Variants in CEP85L observed in about 807,000 individuals in gnomAD.
CEP85L encodes the protein centrosomal protein 85L, also known as centrosomal protein of 85 kDa-like.
CEP85L carries 60 observed loss-of-function variants against 100.3 expected under a neutral mutation model. The observed-to-expected ratio is 0.60, with a 90% CI of 0.49 to 0.74. The LOEUF (loss-of-function observed/expected upper bound fraction) is 0.74, where lower values mean the gene tolerates loss of function less well. Ranked by LOEUF, CEP85L falls within the 30% of genes least tolerant of loss-of-function variation. CEP85L has a pLI of 0.00. For synonymous variants in CEP85L, 319 were observed against 322.7 expected, an observed-to-expected ratio of 0.99 and a Z score of 0.12; for missense variants, 973 against 936.2, an observed-to-expected ratio of 1.04 and a Z score of -0.51.
chr6:118,545,265 T>C (rs1778128989), intron 3 of CEP85L, among the ~76,000 whole-genome samples: 1 of 152,188 alleles, frequency 6.6e-6, no homozygotes, highest in Non-Finnish European at 1.5e-5. Flanking sequence ...TGTAAAAGAT[T>C]ACTACATACA....
chr6:118,483,995 A>C, intron 6 of CEP85L, 137 bp from the exon 7 acceptor site: 1 of 718,016 alleles, frequency 1.4e-6, no homozygotes, highest in Admixed American at 3.0e-5. Flanking sequence ...AACTCAATTA[A>C]GATTTACCTT....
chr6:118,496,988 G>A (rs1774969215), intron 5 of CEP85L, among the ~76,000 whole-genome samples: 1 of 152,114 alleles, frequency 6.6e-6, no homozygotes, highest in African/African-American at 2.4e-5. Flanking sequence ...CTGAGCCAGG[G>A]CCTTCTTTCT....
intron 2 of CEP85L, among the ~76,000 whole-genome samples, chr6:118,612,470 T>A (rs1473071332): frequency 6.8e-6 from 1 of 147,952 alleles, no homozygotes; most frequent in African/African-American, 2.5e-5. Context: ...CTGGCTAACA[T>A]AGTGAAACCC....
intron 3 of CEP85L, among the ~76,000 whole-genome samples, chr6:118,543,675 G>T (rs2114891559): frequency 6.6e-6 from 1 of 152,248 alleles, no homozygotes; most frequent in East Asian, 1.9e-4. Flanking sequence ...AAATAATTCG[G>T]ATAGAAGAAA....
At chr6:118,646,869 T>C (rs1270426544) in intron 1 of CEP85L, 3 of 916,086 alleles carry the variant, frequency 3.3e-6, no homozygotes, top group African/African-American at 3.6e-5. Flanking sequence ...TTCACACACA[T>C]AAATATTACA....
At chr6:118,641,083 A>G (rs1254518314) in intron 1 of CEP85L, among the ~76,000 whole-genome samples, 35 of 152,166 alleles carry the variant, frequency 2.3e-4, no homozygotes, top group Admixed American at 2.3e-3. Flanking sequence ...ATACCACATA[A>G]CAATAATTCT....
intron 5 of CEP85L, among the ~76,000 whole-genome samples, chr6:118,504,421 TA>T (rs955415056): frequency 4.6e-5 from 7 of 150,932 alleles, no homozygotes; most frequent in Admixed American, 6.6e-5. Flanking sequence ...AGCTTACATT[TA>T]AAAAAAAATA....
At chr6:118,530,560 G>C (rs1413022412) in intron 3 of CEP85L, among the ~76,000 whole-genome samples, 3 of 152,000 alleles carry the variant, frequency 2.0e-5, no homozygotes, top group Non-Finnish European at 4.4e-5. Context: ...CATACAAATA[G>C]GAAGAGAGAA....
At chr6:118,502,468 C>T in intron 5 of CEP85L, 1 of 523,608 alleles carries the variant, frequency 1.9e-6, no homozygotes. Flanking sequence ...CATACTAGGA[C>T]ACTTGACACA....
At chr6:118,480,295 A>T (rs1221942601) in intron 9 of CEP85L, 101 bp downstream of exon 9, 1 of 609,586 alleles carries the variant, frequency 1.6e-6, no homozygotes, top group East Asian at 3.0e-5. Context: ...ATTAAATATT[A>T]ACAAAATATA....
chr6:118,705,630 G>T (rs1158701975), intron 1 of CEP85L, among the ~76,000 whole-genome samples: 1 of 152,198 alleles, frequency 6.6e-6, no homozygotes, highest in Non-Finnish European at 1.5e-5. Flanking sequence ...AACAATACAA[G>T]AAATCATTAT....
At chr6:118,508,353 T>G (rs1775779953) in intron 5 of CEP85L, among the ~76,000 whole-genome samples, 1 of 152,148 alleles carries the variant, frequency 6.6e-6, no homozygotes, top group African/African-American at 2.4e-5. Flanking sequence ...CTTTCCAAGG[T>G]ACACATATAT....
chr6:118,670,444 TG>T (rs1257493563), intron 1 of CEP85L, among the ~76,000 whole-genome samples: 8 of 150,648 alleles, frequency 5.3e-5, no homozygotes, highest in Non-Finnish European at 1.2e-4. Flanking sequence ...CTTTTGTTGT[TG>T]TTGTTGTTGT....
chr6:118,494,517 A>T (rs946907482), intron 5 of CEP85L, among the ~76,000 whole-genome samples: 1 of 152,136 alleles, frequency 6.6e-6, no homozygotes, highest in African/African-American at 2.4e-5. Context: ...GTTAATACAC[A>T]AATCAAGCTC....
At chr6:118,652,908 G>C (rs1775646023), upstream of CEP85L, 2 of 557,244 alleles carry the variant, frequency 3.6e-6, no homozygotes, top group Non-Finnish European at 6.2e-6. Flanking sequence ...ACTTGAAGAG[G>C]ATAGATTTTT....
At chr6:118,574,599 T>G (rs767274257) in intron 2 of CEP85L, among the ~76,000 whole-genome samples, 45 of 152,136 alleles carry the variant, frequency 3.0e-4, no homozygotes, top group Non-Finnish European at 5.6e-4. Context: ...TGCGGTGGCC[T>G]CAGGGGTAAG....
intron 2 of CEP85L, among the ~76,000 whole-genome samples, chr6:118,627,070 G>T (rs1410652288): frequency 1.3e-5 from 2 of 151,810 alleles, no homozygotes; most frequent in Admixed American, 1.3e-4. Flanking sequence ...ATGGTGGTGG[G>T]TGCCTGTAAT....
intron 3 of CEP85L, among the ~76,000 whole-genome samples, chr6:118,542,513 T>C (rs974419933): frequency 6.6e-6 from 1 of 152,132 alleles, no homozygotes; most frequent in Middle Eastern, 3.2e-3. Context: ...ATCAGAACAT[T>C]TGGGCTTCAA....
intron 9 of CEP85L, 134 bp downstream of exon 9, chr6:118,480,258 ACATT>A: frequency 2.0e-6 from 1 of 511,274 alleles, no homozygotes; most frequent in Non-Finnish European, 3.4e-6. Flanking sequence ...TCAAATAAAA[ACATT>A]CAAACTAGAA....
Sources: gnomAD v4.1 joint callset for allele counts (sites outside exome capture counted in the v4.1 genomes callset) on GRCh38, gnomAD v4.1.1 for gene constraint, MANE v1.5 for transcripts, NCBI Gene and HGNC (gene_info 2026-07-23, HGNC 2026-07-21) for gene names.